The following SUCLG2 variants were observed in gnomAD, a reference collection of about 807,000 sequenced individuals.
SUCLG2 encodes succinate-CoA ligase GDP-forming subunit beta.
In SUCLG2, 42 loss-of-function variants were observed where a neutral mutation model predicts 47.9. The observed-to-expected ratio is 0.88, with a 90% confidence interval of 0.69 to 1.14. SUCLG2 has a LOEUF of 1.14. SUCLG2 is among the 50% of genes most tolerant of loss of function. The probability of loss-of-function intolerance (pLI) is 0.00; values close to 1 mark genes in which losing one functional copy is unlikely to be tolerated. For synonymous variants in SUCLG2, 195 were observed against 197.3 expected (o/e 0.99, Z 0.10); for missense variants, 571 against 525.9 (o/e 1.09, Z -0.84).
intron 10 of SUCLG2, among the ~76,000 whole-genome samples, chr3:67,379,577 GT>G (rs1415050418): frequency 1.3e-5 from 2 of 152,132 alleles, no homozygotes; most frequent in African/African-American, 4.8e-5. Context: ...AAATAATTTA[GT>G]TCCTTAATTA....
chr3:67,604,203 G>C (rs1179125940), intron 2 of SUCLG2, among the ~76,000 whole-genome samples: 1 of 152,142 alleles, frequency 6.6e-6, no homozygotes, highest in Non-Finnish European at 1.5e-5. Context: ...AAATTAACAA[G>C]CTTTCCATAA....
chr3:67,405,999 A>G (rs914140590), intron 9 of SUCLG2, among the ~76,000 whole-genome samples: 1 of 152,174 alleles, frequency 6.6e-6, no homozygotes, highest in Non-Finnish European at 1.5e-5. Context: ...CAAGCCAGCA[A>G]ACCTAGAGAA....
In SUCLG2 at chr3:67,443,484, A is replaced by G. The variant is rs1424520977; in HGVS notation, c.1063-42633T>C. Among the ~76,000 whole-genome samples, 5 of 72,684 alleles carry G rather than the reference A, an allele frequency of 6.9e-5. 1 individual carries two copies. The highest frequency in any genetic ancestry group is 1.2e-4 in the Non-Finnish European group (4 of 32,464). 47.7% of individuals were successfully genotyped at this position (72,684 alleles called of 152,430 possible). A position where few individuals can be genotyped will look rare whatever the true frequency, so the allele number is the denominator to read the frequency against. On this transcript the variant is annotated intron_variant, in intron 9 of 10. Coordinates refer to ENST00000307227, the MANE Select transcript of SUCLG2 (RefSeq NM_003848.4). ...TGCCCGGCCGCCACCCCGTCTGGGA[A>G]GTGAGGAGTGTCTGTGCCTGGCCGC...
chr3:67,425,673 T>A (rs759949093), intron 9 of SUCLG2, among the ~76,000 whole-genome samples: 13 of 152,204 alleles, frequency 8.5e-5, no homozygotes, highest in Non-Finnish European at 4.4e-5. Context: ...GCCTTCAAAC[T>A]ATACCACCAG....
intron 1 of SUCLG2, among the ~76,000 whole-genome samples, chr3:67,623,375 C>A (rs1347560243): frequency 6.6e-6 from 1 of 152,072 alleles, no homozygotes; most frequent in Non-Finnish European, 1.5e-5. Context: ...ATGGCGGGTG[C>A]CTGTAGTCCC....
intron 9 of SUCLG2, among the ~76,000 whole-genome samples, chr3:67,492,757 T>C (rs1031162950): frequency 6.6e-6 from 1 of 152,190 alleles, no homozygotes; most frequent in African/African-American, 2.4e-5. Flanking sequence ...CTTCATTTCA[T>C]ATATATGATA....
Position 67,520,607 on chromosome 3 carries a change from A to T in SUCLG2, c.445T>A (p.Ser149Thr), listed in dbSNP as rs1163561933. Residue 149 changes from serine to threonine, a missense_variant, in exon 5 of 11, where the codon TCC (serine) becomes ACC (threonine). By Grantham distance (58) the Ser-to-Thr change is moderately conservative (BLOSUM62 1). Coordinates refer to ENST00000307227, the MANE Select transcript of SUCLG2 (RefSeq NM_003848.4). ...AGAATTGCCAGGTAGGTTTCTCTGG[A>T]AATATCCAAGGCTTCAGCAACCATC... ...KVMVAEALDI[S>T]RETYLAILMD... 6.2e-7 allele frequency: 1 copy of T among 1,613,602 alleles called. No homozygotes were observed. Among genetic ancestry groups the T allele is most frequent in the South Asian group, 1.1e-5 (1 of 90,926 alleles).
At chr3:67,586,740 C>T (rs1708029869) in intron 2 of SUCLG2, among the ~76,000 whole-genome samples, 1 of 152,186 alleles carries the variant, frequency 6.6e-6, no homozygotes, top group African/African-American at 2.4e-5. Flanking sequence ...CAGACTGGGA[C>T]AGGTGGAGGT....
At chr3:67,493,028 C>T (rs1705241069) in intron 9 of SUCLG2, among the ~76,000 whole-genome samples, 1 of 152,180 alleles carries the variant, frequency 6.6e-6, no homozygotes, top group Non-Finnish European at 1.5e-5. Flanking sequence ...GTAATTTTGA[C>T]TTTCTGTGTA....
intron 9 of SUCLG2, among the ~76,000 whole-genome samples, chr3:67,420,036 G>C (rs1156522472): frequency 6.6e-6 from 1 of 152,162 alleles, no homozygotes; most frequent in African/African-American, 2.4e-5. Context: ...GCTTTGATAT[G>C]GGCAGCAGCA....
At chr3:67,594,080 A>G (rs796620884) in intron 2 of SUCLG2, among the ~76,000 whole-genome samples, 3 of 152,346 alleles carry the variant, frequency 2.0e-5, no homozygotes, top group African/African-American at 7.2e-5. Context: ...GGCACGTGGT[A>G]CAGGCCTGGA....
intron 9 of SUCLG2, among the ~76,000 whole-genome samples, chr3:67,409,621 A>T (rs535639343): frequency 1.3e-5 from 2 of 152,304 alleles, no homozygotes; most frequent in Admixed American, 1.3e-4. Context: ...ACACATAATT[A>T]CACATAATTA....
chr3:67,422,341 G>C (rs373991308), intron 9 of SUCLG2, among the ~76,000 whole-genome samples: 1 of 151,466 alleles, frequency 6.6e-6, no homozygotes, highest in East Asian at 1.9e-4. Context: ...TGGGCATGGT[G>C]GTGTGCGCCT....
At chr3:67,623,501 AAG>A (rs1363499849) in intron 1 of SUCLG2, among the ~76,000 whole-genome samples, 1 of 152,206 alleles carries the variant, frequency 6.6e-6, no homozygotes, top group Non-Finnish European at 1.5e-5. Flanking sequence ...ACTCCATCTT[AAG>A]AAACAAAAAA....
At chr3:67,604,096 T>C (rs1187892261) in intron 2 of SUCLG2, among the ~76,000 whole-genome samples, 2 of 152,210 alleles carry the variant, frequency 1.3e-5, no homozygotes, top group African/African-American at 4.8e-5. Context: ...AAATCCATTT[T>C]CTATGCAAGA....
At chr3:67,453,534 C>T (rs1029277494) in intron 9 of SUCLG2, among the ~76,000 whole-genome samples, 2 of 152,200 alleles carry the variant, frequency 1.3e-5, no homozygotes, top group Admixed American at 1.3e-4. Flanking sequence ...AAAGGCCCCA[C>T]TTCCTAATAT....
At chr3:67,392,791 G>C (rs915665625) in intron 10 of SUCLG2, among the ~76,000 whole-genome samples, 4 of 152,068 alleles carry the variant, frequency 2.6e-5, no homozygotes, top group Admixed American at 2.0e-4. Context: ...AATCAAGGCA[G>C]TGGCACCATA....
chr3:67,538,893 T>C (rs1706621558), intron 2 of SUCLG2, among the ~76,000 whole-genome samples: 1 of 152,224 alleles, frequency 6.6e-6, no homozygotes. Context: ...GCTTGTGATT[T>C]TTGCACATTG....
chr3:67,554,598 G>A (rs1707106149), intron 2 of SUCLG2, among the ~76,000 whole-genome samples: 1 of 151,934 alleles, frequency 6.6e-6, no homozygotes, highest in Admixed American at 6.6e-5. Context: ...GTTATAATTC[G>A]GTTTGGCTGT....
Sources: allele counts gnomAD v4.1 joint callset (sites outside exome capture counted in the v4.1 genomes callset), GRCh38; gene constraint gnomAD v4.1.1; transcripts MANE v1.5; gene names NCBI Gene and HGNC (gene_info 2026-07-23, HGNC 2026-07-21).